Variants in NRXN1 observed in about 807,000 individuals in gnomAD.
NRXN1 encodes the protein neurexin 1.
In NRXN1, 39 loss-of-function variants were observed where a neutral mutation model predicts 150.9. The ratio of observed to expected loss-of-function variants is 0.26; its 90% confidence interval spans 0.20 to 0.34. The LOEUF (loss-of-function observed/expected upper bound fraction) is 0.34. Among genes scored for constraint, NRXN1 ranks in the 10% least tolerant of loss-of-function variants. The pLI, the probability that NRXN1 is intolerant of heterozygous loss-of-function variation, is 1.00. For missense variants in NRXN1, 1,815 were observed against 1,949.9 expected, an observed-to-expected ratio of 0.93 and a Z score of 1.30; for synonymous variants, 924 against 757.0, an observed-to-expected ratio of 1.22 and a Z score of -3.62.
At chr2:49,936,816 G>GCACACACACACA (rs202032583) in intron 22 of NRXN1, among the ~76,000 whole-genome samples, 48 of 149,976 alleles carry the variant, frequency 3.2e-4, no homozygotes, top group African/African-American at 1.2e-3. Flanking sequence ...AAAAACATAT[G>GCACACACACACA]TACACACACA....
At chr2:50,510,344 G>A (rs926276285) in intron 12 of NRXN1, among the ~76,000 whole-genome samples, 1 of 151,686 alleles carries the variant, frequency 6.6e-6, no homozygotes, top group African/African-American at 2.4e-5. Context: ...AAAATAGCTG[G>A]GTGTAGTGGC....
At chr2:50,811,191 C>T (rs1266640591) in intron 5 of NRXN1, among the ~76,000 whole-genome samples, 4 of 152,054 alleles carry the variant, frequency 2.6e-5, no homozygotes, top group East Asian at 1.9e-4. Flanking sequence ...TCTCAATGAC[C>T]GGCTAATCCA....
chr2:50,642,021 A>G (rs746511238), intron 5 of NRXN1, among the ~76,000 whole-genome samples: 15 of 152,182 alleles, frequency 9.9e-5, no homozygotes, highest in Non-Finnish European at 2.2e-4. Context: ...TATGATGGAC[A>G]GAATAAAGTA....
chr2:50,716,844 A>C (rs1456287715), intron 5 of NRXN1, among the ~76,000 whole-genome samples: 1 of 152,180 alleles, frequency 6.6e-6, no homozygotes, highest in Non-Finnish European at 1.5e-5. Context: ...TCATTAATTT[A>C]ACAATAATTC....
intron 5 of NRXN1, chr2:50,917,091 G>A (rs1341623057): frequency 2.6e-5 from 4 of 151,614 alleles, no homozygotes; most frequent in Non-Finnish European, 4.4e-5. Flanking sequence ...CTGCGGCTGT[G>A]AGTTAAGGGG....
At chr2:50,267,566 A>AAAG (rs2069042990) in intron 17 of NRXN1, among the ~76,000 whole-genome samples, 1 of 152,184 alleles carries the variant, frequency 6.6e-6, no homozygotes, top group South Asian at 2.1e-4. Flanking sequence ...TTTGGGGAGC[A>AAAG]AATGTTAGGC....
chr2:50,496,549 T>C (rs758497491), intron 14 of NRXN1, among the ~76,000 whole-genome samples: 10 of 152,154 alleles, frequency 6.6e-5, no homozygotes, highest in Non-Finnish European at 1.3e-4. Context: ...GCTCCACATG[T>C]TTTTCTAATT....
At chr2:50,259,335 G>A (rs991348292) in intron 17 of NRXN1, among the ~76,000 whole-genome samples, 3 of 151,798 alleles carry the variant, frequency 2.0e-5, no homozygotes, top group Non-Finnish European at 4.4e-5. Context: ...AACTGACCTG[G>A]AAGGGGAGTA....
chr2:50,840,722 T>A (rs72838714), intron 5 of NRXN1, among the ~76,000 whole-genome samples: 5,143 of 152,204 alleles, frequency 0.034, 163 homozygotes, highest in East Asian at 0.081. Context: ...CCACACCCAT[T>A]TTAGAAATAG....
intron 17 of NRXN1, among the ~76,000 whole-genome samples, chr2:50,348,251 A>G (rs2078189198): frequency 1.3e-5 from 2 of 152,082 alleles, no homozygotes; most frequent in African/African-American, 2.4e-5. Context: ...ACCATATTAT[A>G]TCTCATATAA....
At chr2:50,628,914 G>C (rs923359675) in intron 5 of NRXN1, among the ~76,000 whole-genome samples, 1 of 151,376 alleles carries the variant, frequency 6.6e-6, no homozygotes, top group Non-Finnish European at 1.5e-5. Context: ...TATCTTCAAA[G>C]AAATGCAAAG....
At chr2:50,518,600 T>G (rs1192168614) in intron 12 of NRXN1, among the ~76,000 whole-genome samples, 1 of 151,944 alleles carries the variant, frequency 6.6e-6, no homozygotes, top group Non-Finnish European at 1.5e-5. Context: ...ATTTACAAAA[T>G]GTAAACTGAT....
chr2:50,213,891 G>C (rs1359546082), intron 18 of NRXN1, among the ~76,000 whole-genome samples: 1 of 151,910 alleles, frequency 6.6e-6, no homozygotes, highest in East Asian at 1.9e-4. Flanking sequence ...CTGCAGCTAA[G>C]AGGAATTCAC....
At chr2:49,966,872 C>T (rs1677059654) in intron 21 of NRXN1, among the ~76,000 whole-genome samples, 1 of 152,032 alleles carries the variant, frequency 6.6e-6, no homozygotes, top group Admixed American at 6.6e-5. Context: ...ATTCTGAGAC[C>T]ACCTTCAGAA....
chr2:50,051,398 T>C (rs995090423), intron 21 of NRXN1, among the ~76,000 whole-genome samples: 1 of 152,050 alleles, frequency 6.6e-6, no homozygotes, highest in Admixed American at 6.6e-5. Context: ...GAAAAATACC[T>C]GATTATTTCA....
chr2:50,411,690 G>T (rs2083189067), intron 17 of NRXN1, among the ~76,000 whole-genome samples: 1 of 106,328 alleles, frequency 9.4e-6, no homozygotes, highest in Non-Finnish European at 1.8e-5. Flanking sequence ...CCCTGTCTGG[G>T]AGGTGGGGGG....
chr2:50,189,365 G>T (rs1252037046), intron 18 of NRXN1, among the ~76,000 whole-genome samples: 1 of 152,020 alleles, frequency 6.6e-6, no homozygotes, highest in Non-Finnish European at 1.5e-5. Flanking sequence ...TGAGCCTGCT[G>T]GGGGTTGGGG....
At chr2:50,334,078 A>T (rs1310909498) in intron 17 of NRXN1, among the ~76,000 whole-genome samples, 1 of 151,458 alleles carries the variant, frequency 6.6e-6, no homozygotes, top group South Asian at 2.1e-4. Flanking sequence ...TCATTCAAGG[A>T]TATGCTCCTC....
chr2:50,426,261 G>A (rs764350348), intron 17 of NRXN1, among the ~76,000 whole-genome samples: 2 of 152,258 alleles, frequency 1.3e-5, no homozygotes, highest in African/African-American at 4.8e-5. Flanking sequence ...CACCAATTGT[G>A]TTTCTTAGTT....
Sources: allele counts gnomAD v4.1 joint callset (sites outside exome capture counted in the v4.1 genomes callset), GRCh38; gene constraint gnomAD v4.1.1; transcripts MANE v1.5; gene names NCBI Gene and HGNC (gene_info 2026-07-23, HGNC 2026-07-21).